The following ZNF653 variants were observed in gnomAD, a reference collection of about 807,000 sequenced individuals.
The protein encoded by ZNF653 is 67 kDa zinc finger protein.
Under a neutral mutation model 59.9 loss-of-function variants are expected in ZNF653, and 37 were observed. The ratio of observed to expected loss-of-function variants is 0.62; its 90% CI spans 0.48 to 0.81. The LOEUF (loss-of-function observed/expected upper bound fraction) is 0.81. Ranked by LOEUF, ZNF653 falls within the 40% of genes least tolerant of loss-of-function variation. ZNF653 has a pLI of 0.00. For missense variants in ZNF653, 808 were observed against 881.1 expected (o/e 0.92, Z 1.05); for synonymous variants, 435 against 371.8 (o/e 1.17, Z -1.96).
chr19:11,486,227 G>A (rs1324688747), intron 6 of ZNF653, among the ~76,000 whole-genome samples: 4 of 152,172 alleles, frequency 2.6e-5, no homozygotes, highest in African/African-American at 9.7e-5. Context: ...CCAAAGTGCT[G>A]GGATTACAGG....
rs1432106091 is a variant in ZNF653, at chr19:11,505,570, G to C, written c.217C>G (p.Arg73Gly). Residue 73 changes from arginine (R) to glycine (G), a missense_variant, in exon 1 of 9, where the codon CGG becomes GGG. Transcript: ENST00000293771. ...GEAHGPWVDL[R>G]RRSGWSDAKL... ...GCGTCGCTCCAGCCGCTGCGGCGCC[G>C]CAGGTCCACCCAGGGCCCGTGCGCC... 6.6e-7 allele frequency: 1 copy of C among 1,514,174 alleles called. No homozygotes were observed. The highest frequency in any genetic ancestry group is 2.8e-5 in the East Asian group (1 of 36,090). 93.8% of individuals were successfully genotyped at this position (1,514,174 alleles called of 1,614,324 possible).
rs1281752363 is a variant in ZNF653 at position 11,505,387 on chromosome 19, A to G, written c.299+101T>C. On this transcript the variant is annotated intron_variant, in intron 1 of 8. Coordinates refer to ENST00000293771, the MANE Select transcript of ZNF653 (RefSeq NM_138783.4). Reference sequence around the variant, plus strand: ...GGCCCGGCTCCTGGGCGGGGTCCGCAGGTGCCGGGGGCTGGCCCTAGAAGC... The same window carrying G: ...GGCCCGGCTCCTGGGCGGGGTCCGCGGGTGCCGGGGGCTGGCCCTAGAAGC... 5 of 1,228,488 alleles carry G rather than the reference A, an allele frequency of 4.1e-6. No individual in the cohort carries two copies. In the East Asian group the frequency reaches 1.6e-4, roughly 39 times the overall value. The allele number at this position is 1,228,488 out of a possible 1,614,324, so 76.1% of individuals were successfully genotyped here.
intron 1 of ZNF653, among the ~76,000 whole-genome samples, chr19:11,504,099 T>C (rs1301326016): frequency 6.6e-6 from 1 of 151,848 alleles, no homozygotes; most frequent in African/African-American, 2.4e-5. Flanking sequence ...AGTGAGACCC[T>C]GTCTCAAAAA....
In ZNF653 at chr19:11,495,645, C is replaced by T. The variant is rs1350358630; in HGVS notation, c.559+305G>A. 24 of 417,852 alleles carry T rather than the reference C, an allele frequency of 5.7e-5. No individual in the cohort carries two copies. The highest frequency in any genetic ancestry group is 9.2e-5 in the South Asian group (4 of 43,468). 25.9% of individuals were successfully genotyped at this position (417,852 alleles called of 1,614,324 possible). ...AGCCCTGCCCCAGCAGGCCTGCCCC[C>T]GCCCCAGCTGCCAAGCCAGGGCTCC... is the stretch of plus-strand genomic sequence containing the variant. On this transcript the variant is annotated intron_variant, in intron 3 of 8. Coordinates refer to ENST00000293771, the MANE Select transcript of ZNF653 (RefSeq NM_138783.4). This position sits in a 1 kb window ranked among gnomAD's most constrained non-coding sequence, Gnocchi z 4.9.
At chr19:11,496,643 G>A (rs989629660) in intron 2 of ZNF653, among the ~76,000 whole-genome samples, 8 of 152,262 alleles carry the variant, frequency 5.3e-5, no homozygotes, top group Middle Eastern at 3.4e-3. Context: ...AGAGGCAGGC[G>A]GATCACTTAA....
intron 3 of ZNF653, among the ~76,000 whole-genome samples, chr19:11,488,226 T>A (rs578222834): frequency 1.1e-4 from 16 of 151,424 alleles, no homozygotes; most frequent in Non-Finnish European, 4.4e-5. Flanking sequence ...CTCTGCTCAC[T>A]ACAAGCTCTG....
Position 11,487,046 on chromosome 19 carries a change from C to T in ZNF653, c.1284G>A (p.Glu428=). 1 of 1,614,156 alleles carries T rather than the reference C, an allele frequency of 6.2e-7. No homozygotes were observed. The highest frequency in any genetic ancestry group is 8.5e-7 in the Non-Finnish European group (1 of 1,180,022). Residue 428 remains glutamate (E), a synonymous_variant, in exon 5 of 9, where the codon GAG becomes GAA. Transcript: ENST00000293771. This position sits in a 1 kb window ranked among gnomAD's most constrained non-coding sequence, Gnocchi z 5.1. The part of the protein sequence containing the change: ...SAEPEAEADG[E]ELDGSDMSAI... Reference sequence around the variant, plus strand: ...CTGACATGTCGCTGCCGTCCAGCTCCTCCCCGTCCGCCTCTGCCTCAGGCT... The same window carrying T: ...CTGACATGTCGCTGCCGTCCAGCTCTTCCCCGTCCGCCTCTGCCTCAGGCT...
chr19:11,487,250 C>A lies in ZNF653; in HGVS notation c.1171+42G>T, dbSNP rs1402309853. 1 of 1,599,952 alleles carries A rather than the reference C, an allele frequency of 6.3e-7. No individual in the cohort carries two copies. Among genetic ancestry groups the A allele is most frequent in the South Asian group, 1.1e-5 (1 of 88,964 alleles). ...CATTCCTCGCCCGGCCCCTCCCAGGCCCAACCACCCCTGGCCAGAGGCCAC... is the reference window on the plus strand; with the variant it reads ...CATTCCTCGCCCGGCCCCTCCCAGGACCAACCACCCCTGGCCAGAGGCCAC... On this transcript the variant is annotated intron_variant, in intron 4 of 8. Coordinates refer to ENST00000293771, the MANE Select transcript of ZNF653 (RefSeq NM_138783.4). The surrounding 1 kb of genome is among the most constrained non-coding windows in gnomAD (Gnocchi z 5.1).
intron 3 of ZNF653, among the ~76,000 whole-genome samples, chr19:11,488,168 G>C (rs1282786097): frequency 7.3e-6 from 1 of 137,544 alleles, no homozygotes; most frequent in Non-Finnish European, 1.6e-5. Flanking sequence ...TTTTTTTCCT[G>C]AGATGGAGTC....
intron 3 of ZNF653, among the ~76,000 whole-genome samples, chr19:11,492,855 G>C (rs76998436): frequency 0.042 from 6,447 of 152,034 alleles, 166 homozygotes; most frequent in Admixed American, 0.071. Flanking sequence ...AAGTGATTCT[G>C]ATGCTTCTGC....
rs768620905 is a variant in ZNF653, at chr19:11,487,683, C to T, written c.780G>A (p.Pro260=). The T allele has an allele frequency of 1.1e-5, 18 of 1,613,734 alleles. No individual in the cohort carries two copies. Among genetic ancestry groups the T allele is most frequent in the Admixed American group, 3.3e-5 (2 of 60,010 alleles). Residue 260 remains proline, a synonymous_variant, in exon 4 of 9, where the codon CCG becomes CCA. Transcript: ENST00000293771. The surrounding 1 kb of genome is among the most constrained non-coding windows in gnomAD (Gnocchi z 5.1). The part of the protein sequence containing the change: ...HVESLAEQGT[P]LCSNPAGNGP... ...CATTGCCTGCTGGGTTGGAGCACAGCGGGGTACCCTGCTCGGCCAGGCTTT... is the reference window on the plus strand; with the variant it reads ...CATTGCCTGCTGGGTTGGAGCACAGTGGGGTACCCTGCTCGGCCAGGCTTT...
chr19:11,491,610 T>TG (rs1971530551), intron 3 of ZNF653, among the ~76,000 whole-genome samples: 1 of 151,548 alleles, frequency 6.6e-6, no homozygotes, highest in African/African-American at 2.4e-5. Flanking sequence ...TTTTTTGAGA[T>TG]GGAGTCTCGC....
chr19:11,503,492 C>CT (rs1233634975), intron 1 of ZNF653, among the ~76,000 whole-genome samples: 1 of 152,156 alleles, frequency 6.6e-6, no homozygotes, highest in African/African-American at 2.4e-5. Context: ...ATACAATTTA[C>CT]TTATGTTTCT....
rs1971439495 is a variant in ZNF653, at chr19:11,484,140, A to T, written c.1572T>A (p.Gly524=). ...HLRRHMIIHS[G]VREFTCETCG... ...AGGTCTCGCAGGTGAATTCACGGAC[A>T]CCTGGGGGCGGTGGGGACCGAGGCT... is the stretch of plus-strand genomic sequence containing the variant. The change falls in exon 8 of 9, where the codon GGT becomes GGA. Residue 524 remains glycine, a splice_region_variant and synonymous_variant. Transcript: ENST00000293771. The T allele has an allele frequency of 1.3e-6, 2 of 1,551,886 alleles. No individual in the cohort carries two copies. Among genetic ancestry groups the T allele is most frequent in the Non-Finnish European group, 1.7e-6 (2 of 1,147,502 alleles).
intron 3 of ZNF653, among the ~76,000 whole-genome samples, chr19:11,491,659 C>T (rs1038926308): frequency 6.6e-6 from 1 of 151,876 alleles, no homozygotes; most frequent in African/African-American, 2.4e-5. Context: ...ACGATCTTGG[C>T]TCACTGCAAG....
intron 3 of ZNF653, among the ~76,000 whole-genome samples, 192 bp from the exon 4 acceptor site, chr19:11,488,095 C>T (rs1167653547): frequency 6.6e-6 from 1 of 150,862 alleles, no homozygotes; most frequent in African/African-American, 2.4e-5. Context: ...TCCAGTGATT[C>T]TCCTGCCTCA....
Position 11,496,024 on chromosome 19 carries a change from G to A in ZNF653, c.485C>T (p.Ala162Val), listed in dbSNP as rs1971583567. ...LYTTAVWQCE[A>V]GHRYFQDLHS... ...CAGGTCCTGGAAGTAGCGGTGGCCA[G>A]CTTCGCACTGCCACACGGCCGTGGT... is the stretch of plus-strand genomic sequence containing the variant. The change falls in exon 3 of 9, where the codon GCT (alanine) becomes GTT (valine). Residue 162 changes from alanine (A) to valine (V), a missense_variant. Transcript: ENST00000293771. The A allele has an allele frequency of 1.9e-6, 3 of 1,614,050 alleles. No individual in the cohort carries two copies. Among genetic ancestry groups the A allele is most frequent in the South Asian group, 1.1e-5 (1 of 91,088 alleles).
At chr19:11,499,382 G>A (rs1001361935) in intron 1 of ZNF653, among the ~76,000 whole-genome samples, 1 of 152,130 alleles carries the variant, frequency 6.6e-6, no homozygotes, top group African/African-American at 2.4e-5. Flanking sequence ...TTAATCAAAC[G>A]GGAACATATC....
intron 8 of ZNF653, 38 bp from the exon 9 acceptor site, chr19:11,483,897 G>A: frequency 6.6e-7 from 1 of 1,524,674 alleles, no homozygotes; most frequent in South Asian, 1.2e-5. Context: ...CGGGGTCAGA[G>A]TGGGCGGGGC....
Sources: gnomAD v4.1 joint callset for allele counts (sites outside exome capture counted in the v4.1 genomes callset) on GRCh38, gnomAD v4.1.1 for gene constraint, Gnocchi (gnomAD v3.1) non-coding constraint, MANE v1.5 for transcripts, NCBI Gene and HGNC (gene_info 2026-07-23, HGNC 2026-07-21) for gene names.